L3MBTL4: variants seen among roughly 807,000 people sequenced by gnomAD.
L3MBTL4 encodes L3MBTL histone methyl-lysine binding protein 4, also known as lethal(3)malignant brain tumor-like protein 4.
Under a neutral mutation model 84.5 loss-of-function variants are expected in L3MBTL4, and 70 were observed. The ratio of observed to expected loss-of-function variants is 0.83; its 90% confidence interval spans 0.68 to 1.01. The LOEUF is 1.01. Ranked by LOEUF, L3MBTL4 falls within the 50% of genes least tolerant of loss-of-function variation. The pLI is 0.00. For synonymous variants in L3MBTL4, 274 were observed against 259.8 expected (o/e 1.05, Z -0.52); for missense variants, 715 against 754.8 (o/e 0.95, Z 0.62).
chr18:6,384,345 T>G (rs754339146), intron 1 of L3MBTL4, among the ~76,000 whole-genome samples: 3 of 152,080 alleles, frequency 2.0e-5, no homozygotes, highest in Non-Finnish European at 4.4e-5. Flanking sequence ...CACATCCATA[T>G]ACATATATCT....
At chr18:6,260,223 G>C (rs906528426) in intron 5 of L3MBTL4, 1 of 152,090 alleles carries the variant, frequency 6.6e-6, no homozygotes, top group Non-Finnish European at 1.5e-5. Flanking sequence ...CAGGTAATAC[G>C]ATGCTTTGTT....
intron 1 of L3MBTL4, among the ~76,000 whole-genome samples, chr18:6,321,227 A>G (rs1377399676): frequency 2.0e-5 from 3 of 152,190 alleles, no homozygotes; most frequent in South Asian, 2.1e-4. Context: ...AAATAAATAA[A>G]TGGGACCTAA....
At chr18:6,308,326 T>A (rs753945750) in intron 3 of L3MBTL4, among the ~76,000 whole-genome samples, 1 of 152,178 alleles carries the variant, frequency 6.6e-6, no homozygotes, top group Non-Finnish European at 1.5e-5. Context: ...CTCTCTCAGA[T>A]GCTGTTAGGG....
At position 6,171,895 on chromosome 18, in the gene L3MBTL4, T is replaced by G. The variant is rs1308367804; in HGVS notation, c.1029A>C (p.Ala343=). 2.6e-6 allele frequency: 4 copies of G among 1,557,810 alleles called. No individual in the cohort carries two copies. The highest frequency in any genetic ancestry group is 3.5e-6 in the Non-Finnish European group (4 of 1,149,536). Residue 343 remains alanine (A), a synonymous_variant, in exon 13 of 19, where the codon GCA becomes GCC. Transcript: ENST00000317931. ...CGATCGGGTGGATATCAGGGCTGTC[T>G]GCCTCCACCCAGTAGTCATACTTAT... ...WDHKYDYWVE[A]DSPDIHPIGW...
intron 5 of L3MBTL4, chr18:6,260,677 C>CT (rs1297733070): frequency 6.6e-6 from 1 of 152,148 alleles, no homozygotes; most frequent in Non-Finnish European, 1.5e-5. Context: ...TCCCAGGAGC[C>CT]TTTTGGCAGA....
chr18:6,178,489 T>C lies in L3MBTL4; in HGVS notation c.982-6547A>G, dbSNP rs546735663. On this transcript the variant is annotated intron_variant, in intron 12 of 18. Coordinates refer to ENST00000317931, the MANE Select transcript of L3MBTL4 (RefSeq NM_001330559.2). ...AGTCTATTTACCAAGAGTCCTTTTG[T>C]AAAGCAAAGCCTCATTTTGAAAACC... 8.5e-5 allele frequency among the ~76,000 whole-genome samples: 13 copies of C among 152,362 alleles called. No homozygotes were observed. The South Asian group carries it at 2.7e-3, about 32-fold the overall frequency.
At chr18:6,030,047 T>G in intron 16 of L3MBTL4, 1 of 985,474 alleles carries the variant, frequency 1.0e-6, no homozygotes, top group Non-Finnish European at 1.2e-6. Context: ...CCGCTCCATG[T>G]GTTAAGAACT....
At chr18:6,027,360 A>G (rs542847947) in intron 16 of L3MBTL4, among the ~76,000 whole-genome samples, 1 of 152,332 alleles carries the variant, frequency 6.6e-6, no homozygotes, top group Admixed American at 6.5e-5. Context: ...TGCAAAGGAC[A>G]TGAACTCACT....
upstream of L3MBTL4, chr18:6,415,247 C>G (rs1012132096): frequency 6.5e-6 from 1 of 152,672 alleles, no homozygotes; most frequent in African/African-American, 2.4e-5. Context: ...TGAAGGCTCT[C>G]TCCTCCGGAT....
chr18:6,185,096 A>T (rs1389581073), intron 12 of L3MBTL4, among the ~76,000 whole-genome samples: 3 of 152,230 alleles, frequency 2.0e-5, no homozygotes, highest in Non-Finnish European at 4.4e-5. Context: ...CATTTTGATC[A>T]TATTAAATTC....
At chr18:6,138,949 G>A (rs1436936201) in intron 13 of L3MBTL4, among the ~76,000 whole-genome samples, 1 of 152,124 alleles carries the variant, frequency 6.6e-6, no homozygotes, top group African/African-American at 2.4e-5. Flanking sequence ...CTGCTTTCTG[G>A]TCCTCAGTGA....
At chr18:6,032,236 C>A in intron 16 of L3MBTL4, 2 of 765,698 alleles carry the variant, frequency 2.6e-6, no homozygotes, top group South Asian at 1.1e-4. Context: ...CTCGGCCTCC[C>A]AAAGTGCTGG....
At chr18:5,995,505 G>A (rs1042406488) in intron 16 of L3MBTL4, among the ~76,000 whole-genome samples, 53 of 152,272 alleles carry the variant, frequency 3.5e-4, no homozygotes, top group Non-Finnish European at 7.2e-4. Context: ...TCCAGCCAAG[G>A]TTATCGTGAA....
intron 1 of L3MBTL4, among the ~76,000 whole-genome samples, chr18:6,369,048 T>TAAAAAA (rs34169311): frequency 7.2e-6 from 1 of 138,248 alleles, no homozygotes; most frequent in Non-Finnish European, 1.5e-5. Flanking sequence ...TCTCAAAAAT[T>TAAAAAA]AAAAAAAAAA....
intron 12 of L3MBTL4, among the ~76,000 whole-genome samples, chr18:6,211,972 A>T (rs1225344760): frequency 6.6e-6 from 1 of 152,216 alleles, no homozygotes; most frequent in Non-Finnish European, 1.5e-5. Flanking sequence ...AAAGTTAATA[A>T]TAAAATGTCA....
chr18:6,175,911 G>A (rs1386442781), intron 12 of L3MBTL4, among the ~76,000 whole-genome samples: 1 of 151,212 alleles, frequency 6.6e-6, no homozygotes, highest in East Asian at 1.9e-4. Flanking sequence ...AATATATACT[G>A]GCAACAAAAA....
intron 17 of L3MBTL4, among the ~76,000 whole-genome samples, chr18:5,962,432 TGAG>T (rs1452402789): frequency 3.3e-5 from 5 of 152,156 alleles, no homozygotes; most frequent in African/African-American, 9.7e-5. Flanking sequence ...TTGGCTGAGC[TGAG>T]GAGTAGACAG....
chr18:6,094,410 A>T (rs984480426), intron 14 of L3MBTL4, among the ~76,000 whole-genome samples: 6 of 152,172 alleles, frequency 3.9e-5, no homozygotes, highest in African/African-American at 1.2e-4. Context: ...AGCAAAGGAG[A>T]TCCAACTCAT....
intron 1 of L3MBTL4, among the ~76,000 whole-genome samples, chr18:6,366,928 G>C (rs1397075872): frequency 1.3e-5 from 2 of 152,250 alleles, no homozygotes; most frequent in African/African-American, 4.8e-5. Flanking sequence ...CTGTGGAGCA[G>C]ATCTCTGCAT....
Sources: gnomAD v4.1 joint callset for allele counts (sites outside exome capture counted in the v4.1 genomes callset) on GRCh38, gnomAD v4.1.1 for gene constraint, MANE v1.5 for transcripts, NCBI Gene and HGNC (gene_info 2026-07-23, HGNC 2026-07-21) for gene names.